Variants in EBAG9 observed in about 807,000 individuals in gnomAD.
EBAG9 encodes the protein estrogen receptor binding site associated antigen 9, also known as receptor-binding cancer antigen expressed on SiSo cells.
In EBAG9, 16 loss-of-function variants were observed where a neutral mutation model predicts 30.9. The ratio of observed to expected loss-of-function variants is 0.52; its 90% CI spans 0.35 to 0.79. The LOEUF (loss-of-function observed/expected upper bound fraction) is 0.79. Among genes scored for constraint, EBAG9 ranks in the 30% least tolerant of loss-of-function variants. The probability of loss-of-function intolerance (pLI) is 0.01; values close to 1 mark genes in which losing one functional copy is unlikely to be tolerated. For synonymous variants in EBAG9, 93 were observed against 82.8 expected (o/e 1.12, Z -0.67); for missense variants, 197 against 242.1 (o/e 0.81, Z 1.24).
At chr8:109,552,217 C>A (rs2131114208) in intron 2 of EBAG9, among the ~76,000 whole-genome samples, 1 of 150,734 alleles carries the variant, frequency 6.6e-6, no homozygotes, top group African/African-American at 2.4e-5. Context: ...CATTTGATAG[C>A]TGCTAAATTG....
Position 109,554,746 on chromosome 8 carries a change from G to A in EBAG9, c.180G>A (p.Trp60Ter), listed in dbSNP as rs1375550393. Residue 60 changes from tryptophan to a stop codon, truncating the protein, a stop_gained, in exon 4 of 7, where the codon TGG becomes TGA. Transcript: ENST00000337573. LOFTEE classifies it high-confidence loss of function. The part of the protein sequence containing the change: ...SVPKQTDVEE[W>*]TSWDEDAPTS... Reference sequence around the variant, plus strand: ...AAATTTAGACAGATGTTGAAGAGTGGACTTCCTGGGATGAAGATGCACCCA... The same window carrying A: ...AAATTTAGACAGATGTTGAAGAGTGAACTTCCTGGGATGAAGATGCACCCA... The A allele has an allele frequency of 1.2e-6, 2 of 1,613,156 alleles. No homozygotes were observed. The highest frequency in any genetic ancestry group is 8.5e-7 in the Non-Finnish European group (1 of 1,179,492).
chr8:109,544,801 T>C (rs1563652507), intron 1 of EBAG9, among the ~76,000 whole-genome samples: 1 of 152,220 alleles, frequency 6.6e-6, no homozygotes, highest in Non-Finnish European at 1.5e-5. Flanking sequence ...CAGATTTTTT[T>C]CCCTCTTTCG....
chr8:109,564,405 T>C, intron 6 of EBAG9, 34 bp from the exon 7 acceptor site: 1 of 1,604,760 alleles, frequency 6.2e-7, no homozygotes, highest in Non-Finnish European at 8.5e-7. Flanking sequence ...ACCTGTTTGG[T>C]ATTTTCTAAA....
intron 1 of EBAG9, among the ~76,000 whole-genome samples, chr8:109,541,742 G>A (rs1821280076): frequency 6.6e-6 from 1 of 152,172 alleles, no homozygotes; most frequent in African/African-American, 2.4e-5. Context: ...TGCGGAGTTG[G>A]TAGTATTTCC....
At chr8:109,561,007 C>A in intron 6 of EBAG9, 78 bp downstream of exon 6, 1 of 1,219,230 alleles carries the variant, frequency 8.2e-7, no homozygotes, top group Non-Finnish European at 1.1e-6. Flanking sequence ...GTCAAGGGAG[C>A]CTATTTTGCC....
chr8:109,542,666 C>T (rs1405048034), intron 1 of EBAG9, among the ~76,000 whole-genome samples: 4 of 152,000 alleles, frequency 2.6e-5, no homozygotes, highest in Non-Finnish European at 5.9e-5. Flanking sequence ...GACAAATCAG[C>T]TTTAAATGAA....
rs139043775 is a variant in EBAG9, at chr8:109,558,425, G to A, written c.429+1383G>A. On this transcript the variant is annotated intron_variant, in intron 5 of 6. Transcript: ENST00000337573. ...CATAAATACTTAGCTGAATAACATA[G>A]CATTATAATGTTTTTTATTTTATAT... Among the ~76,000 whole-genome samples the A allele has an allele frequency of 3.3e-3, 498 of 151,960 alleles. 2 individuals carry two copies. Among genetic ancestry groups the A allele is most frequent in the African/African-American group, 0.012 (477 of 41,360 alleles).
chr8:109,560,130 A>G (rs1821682296), intron 5 of EBAG9, among the ~76,000 whole-genome samples: 1 of 152,160 alleles, frequency 6.6e-6, no homozygotes, highest in South Asian at 2.1e-4. Flanking sequence ...TTCCACACCT[A>G]CCTAAACAGT....
At position 109,556,962 on chromosome 8, in the gene EBAG9, A is replaced by G; in HGVS notation, c.349A>G (p.Asn117Asp). The G allele has an allele frequency of 3.1e-6, 5 of 1,599,598 alleles. No individual in the cohort carries two copies. Among genetic ancestry groups the G allele is most frequent in the Non-Finnish European group, 4.3e-6 (5 of 1,172,198 alleles). ...TGTTATTAAGAAGAGAGAACCATTG[A>G]ATTTTGGCATCCCAGATGGGAGCAC... Reference protein sequence around the residue: ...KIVIKKREPLNFGIPDGSTGF... With the variant: ...KIVIKKREPLDFGIPDGSTGF... The change falls in exon 5 of 7, where the codon AAT becomes GAT. Residue 117 changes from asparagine to aspartate, a missense_variant. Physicochemically the swap from Asn to Asp is conservative, Grantham distance 23 (BLOSUM62 1). Coordinates refer to ENST00000337573, the MANE Select transcript of EBAG9 (RefSeq NM_004215.5).
chr8:109,546,580 T>C (rs1238442974), intron 1 of EBAG9, among the ~76,000 whole-genome samples: 1 of 152,258 alleles, frequency 6.6e-6, no homozygotes, highest in Non-Finnish European at 1.5e-5. Flanking sequence ...TGGCTTTGAC[T>C]GCAGCCCAAT....
chr8:109,553,879 G>A lies in EBAG9; in HGVS notation c.98G>A (p.Arg33Gln), dbSNP rs755168596. 8.1e-6 allele frequency: 13 copies of A among 1,606,628 alleles called. No individual in the cohort carries two copies. The highest frequency in any genetic ancestry group is 1.1e-5 in the Non-Finnish European group (13 of 1,177,764). The change falls in exon 3 of 7, where the codon CGG becomes CAG. Residue 33 changes from arginine (R) to glutamine (Q), a missense_variant. By Grantham distance (43) the Arg-to-Gln change is conservative. Coordinates refer to ENST00000337573, the MANE Select transcript of EBAG9 (RefSeq NM_004215.5). ...KRLICRSGRGRKLSGDQITLP... is the reference protein window; with the variant it reads ...KRLICRSGRGQKLSGDQITLP... ...TTTTGTTTCAGATCTGGCAGAGGAC[G>A]GAAATTAAGTGGAGACCAAATAACT...
chr8:109,555,173 C>A (rs1821573572), intron 4 of EBAG9, among the ~76,000 whole-genome samples: 1 of 151,898 alleles, frequency 6.6e-6, no homozygotes, highest in African/African-American at 2.4e-5. Context: ...ATGATGTTCC[C>A]CTTCCTATGT....
At chr8:109,563,493 A>G (rs1821749083) in intron 6 of EBAG9, 16 of 1,597,438 alleles carry the variant, frequency 1.0e-5, no homozygotes, top group Non-Finnish European at 1.3e-5. Flanking sequence ...AGATAGAGAG[A>G]GTGAGTCTGG....
chr8:109,557,509 C>G (rs919846014), intron 5 of EBAG9, among the ~76,000 whole-genome samples: 1 of 152,158 alleles, frequency 6.6e-6, no homozygotes, highest in Non-Finnish European at 1.5e-5. Context: ...ATATCAGAAT[C>G]AGCTTTGGAG....
intron 6 of EBAG9, among the ~76,000 whole-genome samples, chr8:109,561,165 C>A (rs1213212959): frequency 6.6e-6 from 1 of 150,730 alleles, no homozygotes; most frequent in African/African-American, 2.4e-5. Context: ...TTATTAATGG[C>A]AAATGGAGTG....
At chr8:109,554,031 C>A in intron 3 of EBAG9, 88 bp downstream of exon 3, 1 of 898,376 alleles carries the variant, frequency 1.1e-6, no homozygotes. Flanking sequence ...AACTGGATTG[C>A]AGATCATTAA....
At chr8:109,561,425 A>G (rs1438446785) in intron 6 of EBAG9, among the ~76,000 whole-genome samples, 1 of 151,978 alleles carries the variant, frequency 6.6e-6, no homozygotes, top group Admixed American at 6.6e-5. Context: ...GTGTTAGATG[A>G]ACTACCCATT....
At chr8:109,553,307 A>G (rs1219426980) in intron 2 of EBAG9, among the ~76,000 whole-genome samples, 1 of 152,124 alleles carries the variant, frequency 6.6e-6, no homozygotes. Flanking sequence ...AACATTGAAA[A>G]CTGTGGTTTA....
At position 109,564,614 on chromosome 8, in the gene EBAG9, G is replaced by T. The variant is rs756305303; in HGVS notation, c.*55G>T. ...GAGAAATCTCAGCTCCACAACCCAA[G>T]CAACATTTGTATGGATTTAAGAGTA... On this transcript the variant is annotated 3_prime_UTR_variant, in exon 7 of 7. Coordinates refer to ENST00000337573, the MANE Select transcript of EBAG9 (RefSeq NM_004215.5). 1 of 1,599,766 alleles carries T rather than the reference G, an allele frequency of 6.3e-7. No individual in the cohort carries two copies. The highest frequency in any genetic ancestry group is 1.4e-5 in the African/African-American group (1 of 73,784).
Sources: allele counts gnomAD v4.1 joint callset (sites outside exome capture counted in the v4.1 genomes callset), GRCh38; gene constraint gnomAD v4.1.1; transcripts MANE v1.5; gene names NCBI Gene and HGNC (gene_info 2026-07-23, HGNC 2026-07-21).